The following NT5DC1 variants were observed in gnomAD, a reference collection of about 807,000 sequenced individuals.
NT5DC1 encodes the protein 5'-nucleotidase domain containing 1.
Under a neutral mutation model 59.4 loss-of-function variants are expected in NT5DC1, and 42 were observed. The ratio of observed to expected loss-of-function variants is 0.71; its 90% CI spans 0.55 to 0.92. The LOEUF is 0.92. NT5DC1 is among the 40% of genes least tolerant of loss of function. The pLI is 0.00. For synonymous variants in NT5DC1, 172 were observed against 188.1 expected (o/e 0.91, Z 0.70); for missense variants, 501 against 537.1 (o/e 0.93, Z 0.66).
At chr6:116,183,055 G>A (rs981436971) in intron 6 of NT5DC1, among the ~76,000 whole-genome samples, 8 of 152,082 alleles carry the variant, frequency 5.3e-5, no homozygotes, top group African/African-American at 1.9e-4. Flanking sequence ...TTTTATATAA[G>A]ATGAGAGATG....
At chr6:116,222,861 A>C (rs1017609800) in intron 7 of NT5DC1, among the ~76,000 whole-genome samples, 173 bp from the exon 8 acceptor site, 3 of 152,160 alleles carry the variant, frequency 2.0e-5, no homozygotes, top group African/African-American at 7.2e-5. Flanking sequence ...CCCACCTTCT[A>C]TTTCCAGTGG....
chr6:116,217,335 C>A (rs968621806), intron 6 of NT5DC1, among the ~76,000 whole-genome samples: 4 of 152,046 alleles, frequency 2.6e-5, no homozygotes, highest in Non-Finnish European at 5.9e-5. Flanking sequence ...TCCTTAGAAT[C>A]AGCTTATTAA....
intron 6 of NT5DC1, among the ~76,000 whole-genome samples, chr6:116,193,753 A>C (rs1015279403): frequency 1.7e-5 from 2 of 118,436 alleles, no homozygotes; most frequent in African/African-American, 7.2e-5. Context: ...ACTTAAACAT[A>C]TAATTATACT....
At position 116,191,595 on chromosome 6, in the gene NT5DC1, G is replaced by A. The variant is rs374448713; in HGVS notation, c.530-29459G>A. ...GCCACATCTTTTCTCCTCAAGGTACGTGATACCACCAATTATATGAAATGT... is the reference window on the plus strand; with the variant it reads ...GCCACATCTTTTCTCCTCAAGGTACATGATACCACCAATTATATGAAATGT... On this transcript the variant is annotated intron_variant, in intron 6 of 11. Coordinates refer to ENST00000319550, the MANE Select transcript of NT5DC1 (RefSeq NM_152729.3). 6.8e-4 allele frequency among the ~76,000 whole-genome samples: 104 copies of A among 152,084 alleles called. 2 individuals are homozygous for A. The East Asian group carries it at 8.5e-3, about 12-fold the overall frequency.
At chr6:116,239,372 C>T (rs746614666) in intron 11 of NT5DC1, among the ~76,000 whole-genome samples, 1 of 152,032 alleles carries the variant, frequency 6.6e-6, no homozygotes, top group Non-Finnish European at 1.5e-5. Flanking sequence ...GTTACCAGGA[C>T]AAGCTGCTGA....
intron 6 of NT5DC1, among the ~76,000 whole-genome samples, chr6:116,146,395 A>G (rs945707652): frequency 1.3e-5 from 2 of 152,152 alleles, no homozygotes; most frequent in African/African-American, 4.8e-5. Flanking sequence ...TAAAAGGGGT[A>G]AGAAGGAATT....
chr6:116,140,193 TA>T lies in NT5DC1; in HGVS notation c.529+22249del, dbSNP rs540249074. On this transcript the variant is annotated intron_variant, in intron 6 of 11. Coordinates refer to ENST00000319550, the MANE Select transcript of NT5DC1 (RefSeq NM_152729.3). ...GTGCATGCTCTCAGGTATTTTCAAG[TA>T]TTCCTCTTCTGTTTAATTTCCTTTC... Among the ~76,000 whole-genome samples, 3 of 152,288 alleles carry T rather than the reference TA, an allele frequency of 2.0e-5. No homozygotes were observed. The South Asian group carries it at 6.2e-4, about 32-fold the overall frequency.
chr6:116,227,728 T>C (rs1204805), intron 8 of NT5DC1, among the ~76,000 whole-genome samples: 49,369 of 152,128 alleles, frequency 0.32, 9,751 homozygotes, highest in African/African-American at 0.55. Flanking sequence ...TGTTGAGCAC[T>C]TTTTCGTATA....
At position 116,103,670 on chromosome 6, in the gene NT5DC1, C is replaced by T. The variant is rs182220532; in HGVS notation, c.94-2574C>T. Among the ~76,000 whole-genome samples the T allele has an allele frequency of 1.3e-4, 20 of 152,200 alleles. No individual in the cohort carries two copies. In the East Asian group the frequency reaches 2.9e-3, roughly 22 times the overall value. ...GCTGCATCATGGAGAGCTGTGAGTG[C>T]GTCTCCTTTCAGTTTTGTAGGCATT... is the stretch of plus-strand genomic sequence containing the variant. On this transcript the variant is annotated intron_variant, in intron 1 of 11. Coordinates refer to ENST00000319550, the MANE Select transcript of NT5DC1 (RefSeq NM_152729.3).
chr6:116,187,042 T>C (rs62414143), intron 6 of NT5DC1, among the ~76,000 whole-genome samples: 17,166 of 152,066 alleles, frequency 0.11, 1,173 homozygotes, highest in East Asian at 0.26. Context: ...CAGATTCTTT[T>C]GTCCCACAGG....
In NT5DC1 at chr6:116,120,021, G is replaced by A. The variant is rs1326936448; in HGVS notation, c.529+2076G>A. ...CATATGCATTTTGTAGGGTGGGGTA[G>A]AGTTAGAGAATGCTTTTTCTAGCAC... On this transcript the variant is annotated intron_variant, in intron 6 of 11. Coordinates refer to ENST00000319550, the MANE Select transcript of NT5DC1 (RefSeq NM_152729.3). 7 of 1,446,834 alleles carry A rather than the reference G, an allele frequency of 4.8e-6. No homozygotes were observed. The East Asian group carries it at 1.6e-4, about 33-fold the overall frequency. The allele number at this position is 1,446,834 out of a possible 1,614,324, so 89.6% of individuals were successfully genotyped here.
At position 116,147,815 on chromosome 6, in the gene NT5DC1, G is replaced by A. The variant is rs147171754; in HGVS notation, c.529+29870G>A. 7.5e-4 allele frequency among the ~76,000 whole-genome samples: 114 copies of A among 152,260 alleles called. 1 individual carries two copies. The East Asian group carries it at 0.019, about 26-fold the overall frequency. On this transcript the variant is annotated intron_variant, in intron 6 of 11. Coordinates refer to ENST00000319550, the MANE Select transcript of NT5DC1 (RefSeq NM_152729.3). ...ATTGATTATACCATTGTTTGTAATA[G>A]CAGAAGAAGGAACTGCTCAAATATT...
At chr6:116,234,202 C>G (rs2114556785) in intron 8 of NT5DC1, among the ~76,000 whole-genome samples, 1 of 151,938 alleles carries the variant, frequency 6.6e-6, no homozygotes, top group Non-Finnish European at 1.5e-5. Flanking sequence ...CCTCGTGATC[C>G]ACCTGCCTCA....
chr6:116,104,808 A>G (rs1400459340), intron 1 of NT5DC1, among the ~76,000 whole-genome samples: 2 of 152,120 alleles, frequency 1.3e-5, no homozygotes, highest in Non-Finnish European at 2.9e-5. Flanking sequence ...AGTACTTTGT[A>G]CCACAGGGTG....
chr6:116,108,238 T>A (rs1778804164), intron 2 of NT5DC1, 126 bp from the exon 3 acceptor site: 1 of 664,818 alleles, frequency 1.5e-6, no homozygotes, highest in Admixed American at 2.4e-5. Flanking sequence ...ATTGTGTGAT[T>A]AACATATCAT....
Position 116,120,483 on chromosome 6 carries a change from C to A in NT5DC1, c.529+2538C>A, listed in dbSNP as rs2228547. The A allele has an allele frequency of 6.8e-6, 11 of 1,614,090 alleles. No individual in the cohort carries two copies. In the South Asian group the frequency reaches 8.8e-5, roughly 13 times the overall value. ...GCAGACACAGGCATTCCTGTTACCC[C>A]CTGGTTGGCACTAACAAGAGGGGTC... is the stretch of plus-strand genomic sequence containing the variant. On this transcript the variant is annotated intron_variant, in intron 6 of 11. Transcript: ENST00000319550.
intron 6 of NT5DC1, among the ~76,000 whole-genome samples, chr6:116,189,360 A>G (rs1781071229): frequency 6.6e-6 from 1 of 151,854 alleles, no homozygotes; most frequent in Non-Finnish European, 1.5e-5. Flanking sequence ...ATATAGTTCC[A>G]GTATTGCAGT....
intron 6 of NT5DC1, among the ~76,000 whole-genome samples, chr6:116,146,425 A>G (rs1779898713): frequency 6.6e-6 from 1 of 152,210 alleles, no homozygotes. Context: ...CTCCATGACA[A>G]TAAGTAAATA....
chr6:116,171,868 T>C (rs1297307504), intron 6 of NT5DC1, among the ~76,000 whole-genome samples: 1 of 152,212 alleles, frequency 6.6e-6, no homozygotes, highest in African/African-American at 2.4e-5. Flanking sequence ...TAAACAGTTG[T>C]CTTTAAATTT....
Sources: gnomAD v4.1 joint callset for allele counts (sites outside exome capture counted in the v4.1 genomes callset) on GRCh38, gnomAD v4.1.1 for gene constraint, MANE v1.5 for transcripts, NCBI Gene and HGNC (gene_info 2026-07-23, HGNC 2026-07-21) for gene names.